The following TMTC2 variants were observed in gnomAD, a reference collection of about 807,000 sequenced individuals.
The protein encoded by TMTC2 is transmembrane O-mannosyltransferase targeting cadherins 2, also known as protein O-mannosyl-transferase TMTC2.
A neutral mutation model predicts 82.4 loss-of-function variants in TMTC2; 43 were observed. That is an observed-to-expected ratio of 0.52 (90% CI 0.41 to 0.67). The LOEUF (loss-of-function observed/expected upper bound fraction) is 0.67, where lower values mean the gene tolerates loss of function less well. TMTC2 is among the 30% of genes least tolerant of loss of function. The probability of loss-of-function intolerance (pLI) is 0.00; values close to 1 mark genes in which losing one functional copy is unlikely to be tolerated. For synonymous variants in TMTC2, 408 were observed against 381.9 expected (o/e 1.07, Z -0.80); for missense variants, 919 against 1,012.4 (o/e 0.91, Z 1.25).
intron 8 of TMTC2, among the ~76,000 whole-genome samples, chr12:82,998,015 G>T (rs1464230010): frequency 6.6e-6 from 1 of 152,062 alleles, no homozygotes; most frequent in Non-Finnish European, 1.5e-5. Flanking sequence ...AACTGAAAGG[G>T]AGCAGTCATG....
At chr12:82,891,600 G>A (rs1162820868) in intron 2 of TMTC2, among the ~76,000 whole-genome samples, 4 of 152,254 alleles carry the variant, frequency 2.6e-5, no homozygotes, top group Admixed American at 6.5e-5. Flanking sequence ...GAGCCACCAC[G>A]CCCAGCCTAG....
At chr12:83,010,889 C>T (rs1880426479) in intron 8 of TMTC2, among the ~76,000 whole-genome samples, 1 of 152,102 alleles carries the variant, frequency 6.6e-6, no homozygotes, top group African/African-American at 2.4e-5. Context: ...GGCTGGAGTG[C>T]AATGGTGCGA....
At chr12:82,833,096 G>A (rs945554823) in intron 1 of TMTC2, among the ~76,000 whole-genome samples, 9 of 152,108 alleles carry the variant, frequency 5.9e-5, no homozygotes, top group African/African-American at 9.7e-5. Context: ...CATTTTTGTC[G>A]TCTTTTCCAA....
At chr12:83,063,680 A>G (rs1235387185) in intron 11 of TMTC2, among the ~76,000 whole-genome samples, 3 of 151,954 alleles carry the variant, frequency 2.0e-5, no homozygotes, top group Non-Finnish European at 4.4e-5. Flanking sequence ...AAGGCAAGCC[A>G]GAAATTTGGA....
chr12:82,797,549 C>T lies in TMTC2; in HGVS notation c.84-59461C>T, dbSNP rs749446204. Among the ~76,000 whole-genome samples, 13 of 151,808 alleles carry T rather than the reference C, an allele frequency of 8.6e-5. 1 individual carries two copies. The highest frequency in any genetic ancestry group is 2.6e-4 in the Admixed American group (4 of 15,234). ...AAGTATCACAACATATGTTGGTTGCCGTGTATAAAAAGGTCTAGGCAGACA... is the reference window on the plus strand; with the variant it reads ...AAGTATCACAACATATGTTGGTTGCTGTGTATAAAAAGGTCTAGGCAGACA... On this transcript the variant is annotated intron_variant, in intron 1 of 11. Coordinates refer to ENST00000321196, the MANE Select transcript of TMTC2 (RefSeq NM_152588.3).
At chr12:82,823,393 T>A (rs1869228402) in intron 1 of TMTC2, among the ~76,000 whole-genome samples, 1 of 152,234 alleles carries the variant, frequency 6.6e-6, no homozygotes, top group East Asian at 1.9e-4. Flanking sequence ...TAGCTGTATG[T>A]TTAAAAAATA....
chr12:82,890,265 G>A (rs1873328917), intron 2 of TMTC2, among the ~76,000 whole-genome samples: 1 of 151,156 alleles, frequency 6.6e-6, no homozygotes, highest in African/African-American at 2.4e-5. Flanking sequence ...TTTTCTGTTG[G>A]GTTTTTTGCC....
At chr12:82,716,509 G>A (rs1472503875) in intron 1 of TMTC2, among the ~76,000 whole-genome samples, 1 of 151,934 alleles carries the variant, frequency 6.6e-6, no homozygotes, top group African/African-American at 2.4e-5. Context: ...GACTACAGGC[G>A]CGCGCCACCA....
intron 11 of TMTC2, among the ~76,000 whole-genome samples, chr12:83,109,222 G>T (rs558489134): frequency 1.9e-4 from 29 of 152,256 alleles, no homozygotes; most frequent in African/African-American, 6.5e-4. Flanking sequence ...CTTCTGGGGG[G>T]GCCTCAGGAA....
chr12:82,838,341 C>T (rs1006634253), intron 1 of TMTC2, among the ~76,000 whole-genome samples: 1 of 152,184 alleles, frequency 6.6e-6, no homozygotes, highest in South Asian at 2.1e-4. Flanking sequence ...CAGTGTTAGT[C>T]CCAGAATAGT....
At chr12:82,693,968 CAA>C (rs1005660355) in intron 1 of TMTC2, among the ~76,000 whole-genome samples, 3 of 41,448 alleles carry the variant, frequency 7.2e-5, no homozygotes, top group East Asian at 7.2e-4. Context: ...AACTCCATCT[CAA>C]AAAAAAAAAA....
At chr12:82,815,530 T>C (rs1422412696) in intron 1 of TMTC2, among the ~76,000 whole-genome samples, 1 of 152,020 alleles carries the variant, frequency 6.6e-6, no homozygotes, top group Admixed American at 6.6e-5. Context: ...GCCAGGATGG[T>C]CTGGACCTCC....
intron 8 of TMTC2, among the ~76,000 whole-genome samples, chr12:82,999,622 AAGAG>A (rs78390130): frequency 1.0e-4 from 15 of 150,262 alleles, no homozygotes; most frequent in African/African-American, 2.4e-4. Flanking sequence ...TCAGCAGGCA[AAGAG>A]AGAGAGAGAG....
intron 3 of TMTC2, among the ~76,000 whole-genome samples, chr12:82,910,091 C>G (rs1463384140): frequency 6.6e-6 from 1 of 152,104 alleles, no homozygotes; most frequent in Non-Finnish European, 1.5e-5. Context: ...TTAGTTTTAG[C>G]CTTATCACGC....
At chr12:82,907,464 A>G (rs1359582623) in intron 3 of TMTC2, among the ~76,000 whole-genome samples, 1 of 148,786 alleles carries the variant, frequency 6.7e-6, no homozygotes, top group Non-Finnish European at 1.5e-5. Context: ...CTCCTTCTCA[A>G]CTCCATCTCA....
chr12:83,015,480 G>C (rs577355655), intron 8 of TMTC2, among the ~76,000 whole-genome samples: 1 of 152,286 alleles, frequency 6.6e-6, no homozygotes, highest in African/African-American at 2.4e-5. Context: ...CATTCAGGAG[G>C]TTGATGTTTA....
chr12:83,017,174 G>GT (rs1370406501), intron 8 of TMTC2, among the ~76,000 whole-genome samples: 3 of 152,268 alleles, frequency 2.0e-5, no homozygotes, highest in African/African-American at 7.2e-5. Flanking sequence ...TGAGGTCACA[G>GT]TAAGACCTCA....
chr12:82,911,029 C>T (rs1048243921), intron 3 of TMTC2, among the ~76,000 whole-genome samples: 9 of 152,036 alleles, frequency 5.9e-5, no homozygotes, highest in African/African-American at 9.6e-5. Flanking sequence ...TACAGGCGTC[C>T]GCCACCATGC....
intron 9 of TMTC2, among the ~76,000 whole-genome samples, chr12:83,033,751 CA>C (rs1396214383): frequency 2.1e-5 from 3 of 143,430 alleles, no homozygotes; most frequent in African/African-American, 7.7e-5. Flanking sequence ...ACTCTTGTCT[CA>C]AAAAAAATAA....
Sources: allele counts gnomAD v4.1 joint callset (sites outside exome capture counted in the v4.1 genomes callset), GRCh38; gene constraint gnomAD v4.1.1; transcripts MANE v1.5; gene names NCBI Gene and HGNC (gene_info 2026-07-23, HGNC 2026-07-21).